Variants in DCC observed in about 807,000 individuals in gnomAD.
DCC encodes the protein DCC netrin 1 receptor.
A neutral mutation model predicts 172.5 loss-of-function variants in DCC; 58 were observed. The observed-to-expected ratio is 0.34, with a 90% confidence interval of 0.27 to 0.42. The LOEUF (loss-of-function observed/expected upper bound fraction) is 0.42. Among genes scored for constraint, DCC ranks in the 10% least tolerant of loss-of-function variants. The pLI is 1.00. For missense variants in DCC, 1,740 were observed against 1,791.0 expected, an observed-to-expected ratio of 0.97 and a Z score of 0.51; for synonymous variants, 709 against 644.5, an observed-to-expected ratio of 1.10 and a Z score of -1.52.
chr18:52,908,094 A>G (rs1213407509), intron 3 of DCC, among the ~76,000 whole-genome samples: 1 of 152,206 alleles, frequency 6.6e-6, no homozygotes, highest in African/African-American at 2.4e-5. Flanking sequence ...AACTGACTAC[A>G]TCTCAAAGTA....
At chr18:52,386,548 A>G (rs899955897) in intron 1 of DCC, among the ~76,000 whole-genome samples, 1 of 152,056 alleles carries the variant, frequency 6.6e-6, no homozygotes, top group Non-Finnish European at 1.5e-5. Flanking sequence ...ATGGAGTGAT[A>G]TATTAATTAA....
chr18:53,488,142 T>G (rs2045922611), intron 26 of DCC, among the ~76,000 whole-genome samples: 2 of 152,224 alleles, frequency 1.3e-5, no homozygotes, highest in African/African-American at 4.8e-5. Context: ...GTGTAGACTT[T>G]CAGAGGCTGA....
chr18:53,452,547 A>G (rs2045427237), intron 23 of DCC, among the ~76,000 whole-genome samples: 3 of 152,186 alleles, frequency 2.0e-5, no homozygotes, highest in African/African-American at 7.2e-5. Flanking sequence ...CAGTCATCTT[A>G]AATCCTACCC....
At chr18:52,643,687 T>C (rs1017840087) in intron 1 of DCC, among the ~76,000 whole-genome samples, 1 of 152,176 alleles carries the variant, frequency 6.6e-6, no homozygotes, top group Non-Finnish European at 1.5e-5. Flanking sequence ...ATTTTCTCCT[T>C]GTGAAGTTGA....
At chr18:53,016,737 A>G (rs2041812112) in intron 5 of DCC, among the ~76,000 whole-genome samples, 2 of 152,286 alleles carry the variant, frequency 1.3e-5, no homozygotes, top group South Asian at 4.1e-4. Flanking sequence ...ACATTTTTGC[A>G]TATGTGTCAA....
At chr18:53,134,370 T>C (rs915574369) in intron 7 of DCC, among the ~76,000 whole-genome samples, 1 of 152,144 alleles carries the variant, frequency 6.6e-6, no homozygotes, top group African/African-American at 2.4e-5. Flanking sequence ...ATAAGCTGAA[T>C]ATGGAGAAGG....
At chr18:52,935,595 C>A (rs1454891502) in intron 5 of DCC, among the ~76,000 whole-genome samples, 3 of 151,900 alleles carry the variant, frequency 2.0e-5, no homozygotes, top group African/African-American at 7.2e-5. Context: ...TTTTACGGAA[C>A]AATATGTGAT....
chr18:52,453,844 C>A (rs1052977386), intron 1 of DCC, among the ~76,000 whole-genome samples: 3 of 152,088 alleles, frequency 2.0e-5, no homozygotes, highest in Admixed American at 6.6e-5. Context: ...GGAACATAAC[C>A]CCAGAATATG....
At chr18:52,604,092 A>T (rs1193376200) in intron 1 of DCC, among the ~76,000 whole-genome samples, 1 of 152,072 alleles carries the variant, frequency 6.6e-6, no homozygotes, top group Non-Finnish European at 1.5e-5. Context: ...AATTAGCTTG[A>T]CAATCCTTCT....
At chr18:52,498,404 A>G (rs942211946) in intron 1 of DCC, among the ~76,000 whole-genome samples, 1 of 152,098 alleles carries the variant, frequency 6.6e-6, no homozygotes, top group Non-Finnish European at 1.5e-5. Flanking sequence ...TGGGTGGATC[A>G]CTTGAGGTCA....
intron 16 of DCC, among the ~76,000 whole-genome samples, chr18:53,387,881 C>T (rs1160365144): frequency 1.3e-5 from 2 of 152,144 alleles, no homozygotes; most frequent in Non-Finnish European, 1.5e-5. Flanking sequence ...AAGGAAGGAC[C>T]ACTGAGGTGG....
chr18:53,256,946 T>A (rs2056525300), intron 12 of DCC, among the ~76,000 whole-genome samples: 1 of 152,214 alleles, frequency 6.6e-6, no homozygotes, highest in Admixed American at 6.5e-5. Context: ...TAAGTTGTAT[T>A]CCTAGGTATT....
At chr18:52,544,335 A>G (rs2032551786) in intron 1 of DCC, among the ~76,000 whole-genome samples, 1 of 152,168 alleles carries the variant, frequency 6.6e-6, no homozygotes, top group South Asian at 2.1e-4. Flanking sequence ...AAATTGAAGC[A>G]CTGAATATTT....
At chr18:53,525,454 A>G (rs1038097278) in intron 27 of DCC, among the ~76,000 whole-genome samples, 4 of 152,160 alleles carry the variant, frequency 2.6e-5, no homozygotes, top group African/African-American at 9.7e-5. Flanking sequence ...GTGAAAAGGT[A>G]TAAATATGAA....
intron 1 of DCC, among the ~76,000 whole-genome samples, chr18:52,514,053 T>G (rs771246518): frequency 9.2e-5 from 14 of 152,208 alleles, no homozygotes; most frequent in Non-Finnish European, 2.1e-4. Flanking sequence ...TTTTAATCTA[T>G]TAAAGAAATT....
At chr18:52,664,763 G>T (rs535422698) in intron 1 of DCC, among the ~76,000 whole-genome samples, 2 of 151,872 alleles carry the variant, frequency 1.3e-5, no homozygotes, top group Non-Finnish European at 2.9e-5. Context: ...GAGCCACCGC[G>T]CCCGGCCCAG....
chr18:53,100,756 C>T (rs145448851), intron 7 of DCC, among the ~76,000 whole-genome samples: 201 of 151,920 alleles, frequency 1.3e-3, no homozygotes, highest in South Asian at 9.4e-3. Flanking sequence ...CTTGATAAGC[C>T]CTGAGCACTC....
intron 1 of DCC, among the ~76,000 whole-genome samples, chr18:52,604,858 A>G (rs966825961): frequency 6.6e-6 from 1 of 152,050 alleles, no homozygotes; most frequent in African/African-American, 2.4e-5. Flanking sequence ...TATCTCCTCA[A>G]TGAGTTTGTA....
chr18:52,685,124 T>A (rs764785202), intron 1 of DCC, among the ~76,000 whole-genome samples: 6 of 152,154 alleles, frequency 3.9e-5, no homozygotes, highest in Non-Finnish European at 8.8e-5. Context: ...ACAATAGAAT[T>A]GAACATGTTC....
Sources: gnomAD v4.1 joint callset for allele counts (sites outside exome capture counted in the v4.1 genomes callset) on GRCh38, gnomAD v4.1.1 for gene constraint, MANE v1.5 for transcripts, NCBI Gene and HGNC (gene_info 2026-07-23, HGNC 2026-07-21) for gene names.